Variants in PPM1L observed in about 807,000 individuals in gnomAD.
The protein encoded by PPM1L is protein phosphatase, Mg2+/Mn2+ dependent 1L, also known as protein phosphatase 1L.
A neutral mutation model predicts 31.4 loss-of-function variants in PPM1L; 13 were observed. That is an observed-to-expected ratio of 0.41 (90% CI 0.27 to 0.66). PPM1L has a LOEUF of 0.66. Ranked by LOEUF, PPM1L falls within the 30% of genes least tolerant of loss-of-function variation. PPM1L has a pLI of 0.29. For synonymous variants in PPM1L, 184 were observed against 175.4 expected (o/e 1.05, Z -0.39); for missense variants, 326 against 453.7 (o/e 0.72, Z 2.56).
intron 1 of PPM1L, among the ~76,000 whole-genome samples, chr3:160,826,554 A>G (rs185409746): frequency 6.6e-6 from 1 of 152,160 alleles, no homozygotes; most frequent in East Asian, 1.9e-4. Context: ...TAGAATCTTT[A>G]TTCAAAGTCC....
chr3:161,050,929 T>A (rs1483063832), intron 2 of PPM1L, among the ~76,000 whole-genome samples: 1 of 152,262 alleles, frequency 6.6e-6, no homozygotes, highest in Admixed American at 6.5e-5. Flanking sequence ...ATTCTTTGTT[T>A]TGAAAGTGAA....
At chr3:161,000,538 A>C (rs1338526818) in intron 2 of PPM1L, among the ~76,000 whole-genome samples, 1 of 152,244 alleles carries the variant, frequency 6.6e-6, no homozygotes, top group Non-Finnish European at 1.5e-5. Flanking sequence ...AGAGAGGCCA[A>C]GAAAAAAACA....
chr3:160,850,965 C>G (rs931903205), intron 1 of PPM1L, among the ~76,000 whole-genome samples: 7 of 151,886 alleles, frequency 4.6e-5, no homozygotes, highest in Admixed American at 2.0e-4. Flanking sequence ...AGAGTAATCC[C>G]CCCACCCCAC....
intron 1 of PPM1L, among the ~76,000 whole-genome samples, chr3:160,823,409 C>T (rs1369316362): frequency 4.2e-5 from 6 of 143,248 alleles, no homozygotes; most frequent in Admixed American, 7.1e-5. Flanking sequence ...GATCGGGTTT[C>T]GCCATGTTGG....
intron 1 of PPM1L, among the ~76,000 whole-genome samples, chr3:160,884,145 T>G (rs1198395574): frequency 2.0e-5 from 3 of 152,118 alleles, no homozygotes; most frequent in Admixed American, 1.3e-4. Context: ...ACCATTTAAT[T>G]GGGACATGAG....
At chr3:160,787,758 C>T (rs529675549) in intron 1 of PPM1L, among the ~76,000 whole-genome samples, 81 of 152,236 alleles carry the variant, frequency 5.3e-4, no homozygotes, top group Middle Eastern at 3.4e-3. Flanking sequence ...CTTAATCTAT[C>T]TTAAGTTGAT....
chr3:160,814,518 T>TATGTATGTATGTGTATATATATAC (rs1712908706), intron 1 of PPM1L, among the ~76,000 whole-genome samples: 1 of 78,562 alleles, frequency 1.3e-5, no homozygotes, highest in African/African-American at 6.1e-5. Context: ...TGTATATATA[T>TATGTATGTATGTGTATATATATAC]ACACACACAT....
intron 1 of PPM1L, among the ~76,000 whole-genome samples, chr3:160,887,292 A>G (rs923156345): frequency 6.6e-6 from 1 of 152,112 alleles, no homozygotes; most frequent in South Asian, 2.1e-4. Context: ...ACACTTCAGG[A>G]TACATCCAGG....
chr3:161,045,659 A>T (rs572085791), intron 2 of PPM1L, among the ~76,000 whole-genome samples: 18 of 152,356 alleles, frequency 1.2e-4, no homozygotes, highest in Non-Finnish European at 2.1e-4. Context: ...AATGCCCACA[A>T]GGGAAAGCAG....
chr3:160,914,663 C>T (rs948421738), intron 1 of PPM1L, among the ~76,000 whole-genome samples: 10 of 152,050 alleles, frequency 6.6e-5, no homozygotes, highest in Admixed American at 4.6e-4. Flanking sequence ...TGTATATGTG[C>T]CACATTTTCT....
intron 2 of PPM1L, among the ~76,000 whole-genome samples, chr3:161,039,599 T>C (rs192224316): frequency 6.6e-5 from 10 of 152,306 alleles, no homozygotes; most frequent in Admixed American, 3.9e-4. Flanking sequence ...CTCGGCTCAC[T>C]GCAAGCTCTG....
chr3:161,040,093 T>TA (rs1273900477), intron 2 of PPM1L, among the ~76,000 whole-genome samples: 1 of 152,218 alleles, frequency 6.6e-6, no homozygotes, highest in Admixed American at 6.5e-5. Flanking sequence ...GTGCTCTCTT[T>TA]AAGGTCATGA....
At chr3:160,927,143 A>T (rs1714622180) in intron 1 of PPM1L, among the ~76,000 whole-genome samples, 2 of 152,220 alleles carry the variant, frequency 1.3e-5, no homozygotes, top group Admixed American at 1.3e-4. Context: ...TGTACAAGGA[A>T]CATCCCATGA....
chr3:160,815,897 T>G (rs1256253068), intron 1 of PPM1L, among the ~76,000 whole-genome samples: 1 of 152,156 alleles, frequency 6.6e-6, no homozygotes, highest in Non-Finnish European at 1.5e-5. Flanking sequence ...TTATAAATGT[T>G]TTGAGTTCTT....
At chr3:160,811,860 C>A (rs1712818056) in intron 1 of PPM1L, among the ~76,000 whole-genome samples, 1 of 152,158 alleles carries the variant, frequency 6.6e-6, no homozygotes, top group South Asian at 2.1e-4. Flanking sequence ...ACCTATAAAG[C>A]CTGTGGGCAG....
chr3:160,993,894 A>G (rs1221316087), intron 2 of PPM1L, among the ~76,000 whole-genome samples: 1 of 151,956 alleles, frequency 6.6e-6, no homozygotes, highest in Non-Finnish European at 1.5e-5. Flanking sequence ...TTCTCTCCTC[A>G]GGGACTGATA....
chr3:160,936,159 G>A (rs981743410), intron 1 of PPM1L, among the ~76,000 whole-genome samples: 4 of 152,134 alleles, frequency 2.6e-5, no homozygotes, highest in Admixed American at 1.3e-4. Context: ...GCACAATCTC[G>A]ACTCACTGCA....
At chr3:160,775,372 A>G (rs1308923699) in intron 1 of PPM1L, among the ~76,000 whole-genome samples, 1 of 152,230 alleles carries the variant, frequency 6.6e-6, no homozygotes, top group Non-Finnish European at 1.5e-5. Flanking sequence ...TCTGTGGGAA[A>G]TATTTCAAGG....
chr3:160,901,698 C>A (rs553022100), intron 1 of PPM1L, among the ~76,000 whole-genome samples: 1 of 152,118 alleles, frequency 6.6e-6, no homozygotes, highest in South Asian at 2.1e-4. Flanking sequence ...TTGGTACATA[C>A]TTGTTGATGT....
Sources: allele counts gnomAD v4.1 joint callset (sites outside exome capture counted in the v4.1 genomes callset), GRCh38; gene constraint gnomAD v4.1.1; transcripts MANE v1.5; gene names NCBI Gene and HGNC (gene_info 2026-07-23, HGNC 2026-07-21).